CNBD1: variants seen among roughly 807,000 people sequenced by gnomAD.
CNBD1 encodes cyclic nucleotide-binding domain-containing protein 1.
Under a neutral mutation model 54.4 loss-of-function variants are expected in CNBD1, and 71 were observed. The observed-to-expected ratio is 1.30, with a 90% CI of 1.08 to 1.59. The LOEUF is 1.59. Among genes scored for constraint, CNBD1 ranks in the 40% most tolerant of loss-of-function variants. The pLI, the probability that CNBD1 is intolerant of heterozygous loss-of-function variation, is 0.00. For synonymous variants in CNBD1, 182 were observed against 170.7 expected, an observed-to-expected ratio of 1.07 and a Z score of -0.51; for missense variants, 659 against 518.0, an observed-to-expected ratio of 1.27 and a Z score of -2.64.
chr8:87,244,625 A>G (rs1436803275), intron 6 of CNBD1, among the ~76,000 whole-genome samples: 1 of 152,052 alleles, frequency 6.6e-6, no homozygotes, highest in Non-Finnish European at 1.5e-5. Flanking sequence ...CCACTTACTC[A>G]TAGACATTTA....
At chr8:86,986,367 T>C (rs1808607333) in intron 4 of CNBD1, among the ~76,000 whole-genome samples, 1 of 152,186 alleles carries the variant, frequency 6.6e-6, no homozygotes, top group Admixed American at 6.5e-5. Flanking sequence ...GGTTTTTCTT[T>C]TTTGCTTGTT....
intron 5 of CNBD1, among the ~76,000 whole-genome samples, chr8:87,210,519 G>A (rs1321152625): frequency 6.6e-6 from 1 of 152,168 alleles, no homozygotes; most frequent in Non-Finnish European, 1.5e-5. Flanking sequence ...ATGGTTTTGT[G>A]GGCCTGGCAC....
At chr8:86,877,482 C>A (rs983213313) in intron 1 of CNBD1, among the ~76,000 whole-genome samples, 32 of 152,012 alleles carry the variant, frequency 2.1e-4, no homozygotes, top group African/African-American at 7.0e-4. Context: ...ACATTTTTTT[C>A]TTCCCTGAGG....
intron 4 of CNBD1, among the ~76,000 whole-genome samples, chr8:87,137,671 G>A (rs1358732362): frequency 6.6e-6 from 1 of 152,010 alleles, no homozygotes; most frequent in Non-Finnish European, 1.5e-5. Flanking sequence ...GAGGAGCAGT[G>A]GTTATTGATT....
At position 87,030,962 on chromosome 8, in the gene CNBD1, C is replaced by T. The variant is rs1241177398; in HGVS notation, c.431+91208C>T. Reference sequence around the variant, plus strand: ...CCCCCTCCTCCCCCTCTTCCTCTCCCCCCTTCTTTCTCCTTCTTTCTTTCT... The same window carrying T: ...CCCCCTCCTCCCCCTCTTCCTCTCCTCCCTTCTTTCTCCTTCTTTCTTTCT... On this transcript the variant is annotated intron_variant, in intron 4 of 10. Coordinates refer to ENST00000518476, the MANE Select transcript of CNBD1 (RefSeq NM_173538.3). 2.3e-5 allele frequency among the ~76,000 whole-genome samples: 3 copies of T among 132,302 alleles called. No homozygotes were observed. The Admixed American group carries it at 2.3e-4, about 10-fold the overall frequency. 86.8% of individuals were successfully genotyped at this position (132,302 alleles called of 152,430 possible). A position where few individuals can be genotyped will look rare whatever the true frequency, so the allele number is the denominator to read the frequency against.
rs866065551 is a variant in CNBD1 at position 86,909,898 on chromosome 8, T to C, written c.272+4704T>C. Among the ~76,000 whole-genome samples the C allele has an allele frequency of 2.6e-5, 4 of 152,332 alleles. 1 individual carries two copies. Among genetic ancestry groups the C allele is most frequent in the Non-Finnish European group, 2.9e-5 (2 of 68,020 alleles). Reference sequence around the variant, plus strand: ...TATTGACATCCAACTGTTTCTTTTATTAATTAATCCAATTACTTACCAAGT... The same window carrying C: ...TATTGACATCCAACTGTTTCTTTTACTAATTAATCCAATTACTTACCAAGT... On this transcript the variant is annotated intron_variant, in intron 3 of 10. Transcript: ENST00000518476.
chr8:87,424,393 G>C (rs1315954727), intron 2 of CNBD1, among the ~76,000 whole-genome samples: 1 of 152,066 alleles, frequency 6.6e-6, no homozygotes, highest in Non-Finnish European at 1.5e-5. Flanking sequence ...GATCTTTCCT[G>C]CTTTCTCTTG....
At chr8:87,092,527 A>ATGTGTG (rs1811236095) in intron 4 of CNBD1, among the ~76,000 whole-genome samples, 1 of 135,910 alleles carries the variant, frequency 7.4e-6, no homozygotes, top group African/African-American at 2.9e-5. Flanking sequence ...ATGTGTGTGT[A>ATGTGTG]TGTATGTATG....
intron 8 of CNBD1, among the ~76,000 whole-genome samples, chr8:87,326,961 G>A (rs1346417931): frequency 2.2e-4 from 30 of 134,136 alleles, no homozygotes; most frequent in African/African-American, 7.0e-4. Context: ...TTTGATGATG[G>A]TGATGTACAG....
At chr8:87,204,827 T>C (rs1047884445) in intron 4 of CNBD1, among the ~76,000 whole-genome samples, 1 of 152,224 alleles carries the variant, frequency 6.6e-6, no homozygotes, top group Non-Finnish European at 1.5e-5. Flanking sequence ...GTTTTGGTTA[T>C]GATATCATGC....
chr8:86,907,885 A>T (rs10096320), intron 3 of CNBD1, among the ~76,000 whole-genome samples: 65,093 of 152,028 alleles, frequency 0.43, 14,577 homozygotes, highest in African/African-American at 0.56. Context: ...GGAAACTTTC[A>T]TGTTAGCAGA....
chr8:87,276,486 G>A (rs536889254), intron 6 of CNBD1, among the ~76,000 whole-genome samples: 62 of 151,868 alleles, frequency 4.1e-4, no homozygotes, highest in African/African-American at 1.0e-3. Flanking sequence ...TTCATAATGC[G>A]TTGATAAGGG....
intron 6 of CNBD1, among the ~76,000 whole-genome samples, chr8:87,283,057 T>C (rs1026545372): frequency 6.6e-6 from 1 of 152,122 alleles, no homozygotes; most frequent in Non-Finnish European, 1.5e-5. Flanking sequence ...GTTAGATATA[T>C]GCTAAATGGT....
chr8:87,140,817 C>A (rs1812356059), intron 4 of CNBD1, among the ~76,000 whole-genome samples: 1 of 152,066 alleles, frequency 6.6e-6, no homozygotes, highest in Non-Finnish European at 1.5e-5. Flanking sequence ...GCAAGAAGCC[C>A]TAGAGTAGGC....
At chr8:87,067,024 A>G (rs1213173250) in intron 4 of CNBD1, among the ~76,000 whole-genome samples, 2 of 151,958 alleles carry the variant, frequency 1.3e-5, no homozygotes, top group African/African-American at 4.8e-5. Flanking sequence ...AATACAGATT[A>G]GGAAGAAAGT....
intron 6 of CNBD1, among the ~76,000 whole-genome samples, chr8:87,243,463 T>A (rs1404227674): frequency 1.3e-5 from 2 of 152,152 alleles, no homozygotes; most frequent in African/African-American, 4.8e-5. Context: ...TGATAATGGG[T>A]GCTGCCTGAC....
At chr8:86,875,535 T>C (rs1216909222) in intron 1 of CNBD1, among the ~76,000 whole-genome samples, 1 of 152,210 alleles carries the variant, frequency 6.6e-6, no homozygotes, top group Non-Finnish European at 1.5e-5. Flanking sequence ...TCTATATAAT[T>C]ACAATAATAG....
At position 87,191,975 on chromosome 8, in the gene CNBD1, A is replaced by G. The variant is rs996937039; in HGVS notation, c.432-14018A>G. On this transcript the variant is annotated intron_variant, in intron 4 of 10. Coordinates refer to ENST00000518476, the MANE Select transcript of CNBD1 (RefSeq NM_173538.3). ...CAAGAATTCTAAAAATTTATATAAC[A>G]TTACCAATAATTGGTTGTGAATCTA... Among the ~76,000 whole-genome samples the G allele has an allele frequency of 5.9e-5, 9 of 152,306 alleles. 1 individual carries two copies. The highest frequency in any genetic ancestry group is 3.4e-3 in the Middle Eastern group (1 of 292).
At chr8:87,018,856 C>T (rs890094996) in intron 4 of CNBD1, among the ~76,000 whole-genome samples, 4 of 152,046 alleles carry the variant, frequency 2.6e-5, no homozygotes, top group African/African-American at 4.8e-5. Flanking sequence ...AAAATCAAAC[C>T]CTCCAAATCA....
Sources: allele counts gnomAD v4.1 joint callset (sites outside exome capture counted in the v4.1 genomes callset), GRCh38; gene constraint gnomAD v4.1.1; transcripts MANE v1.5; gene names NCBI Gene and HGNC (gene_info 2026-07-23, HGNC 2026-07-21).